The following LRRC37A2 variants were observed in gnomAD, a reference collection of about 807,000 sequenced individuals.
LRRC37A2 encodes leucine-rich repeat-containing protein 37A2.
LRRC37A2 carries 9 observed loss-of-function variants against 68.8 expected under a neutral mutation model. The observed-to-expected ratio is 0.13, with a 90% CI of 0.08 to 0.23. LRRC37A2 has a LOEUF of 0.23. LRRC37A2 is among the 10% of genes least tolerant of loss of function. The pLI is 1.00. For synonymous variants in LRRC37A2, 63 were observed against 367.6 expected (o/e 0.17, Z 9.48); for missense variants, 168 against 950.4 (o/e 0.18, Z 10.82).
At chr17:47,026,950 G>A in the LRRC37A2 span, among the ~76,000 whole-genome samples, 5 of 151,942 alleles carry the variant, frequency 3.3e-5, no homozygotes, top group South Asian at 2.1e-4. Flanking sequence ...TCGCTCTGTC[G>A]CCCAGGCTGG....
chr17:46,854,717 G>T, the LRRC37A2 span, among the ~76,000 whole-genome samples: 8 of 152,146 alleles, frequency 5.3e-5, no homozygotes, highest in African/African-American at 1.9e-4. Flanking sequence ...GCTGGGTGCA[G>T]TGTCATGATC....
chr17:46,811,921 C>T, the LRRC37A2 span, among the ~76,000 whole-genome samples: 1 of 152,274 alleles, frequency 6.6e-6, no homozygotes, highest in East Asian at 1.9e-4. Context: ...TGTGCCACTG[C>T]ACTCCAGCCT....
At chr17:46,880,460 T>C in the LRRC37A2 span, among the ~76,000 whole-genome samples, 7 of 152,210 alleles carry the variant, frequency 4.6e-5, no homozygotes, top group African/African-American at 1.7e-4. Context: ...CCTGGGTGCT[T>C]GGTGCAGCAA....
the LRRC37A2 span, among the ~76,000 whole-genome samples, chr17:46,790,359 G>T: frequency 6.6e-6 from 1 of 152,090 alleles, no homozygotes; most frequent in South Asian, 2.1e-4. Flanking sequence ...ATAGTAAGTG[G>T]CCCTGCTGAG....
the LRRC37A2 span, among the ~76,000 whole-genome samples, chr17:46,910,420 C>T: frequency 1.3e-5 from 2 of 152,160 alleles, no homozygotes; most frequent in Non-Finnish European, 2.9e-5. Flanking sequence ...TGTGCCAGAT[C>T]CTCCGAGTGC....
the LRRC37A2 span, among the ~76,000 whole-genome samples, chr17:46,489,304 A>G: frequency 1.1e-5 from 1 of 87,640 alleles, no homozygotes; most frequent in African/African-American, 4.4e-5. Flanking sequence ...TGCTTGGCCG[A>G]TTTTTGTATT....
chr17:46,552,803 A>T (rs2056915518), intron 11 of LRRC37A2: 1 of 132,656 alleles, frequency 7.5e-6, no homozygotes, highest in African/African-American at 3.2e-5. Flanking sequence ...CTTAAATTAC[A>T]TGGGGCCAGG....
At chr17:46,816,939 C>T in the LRRC37A2 span, among the ~76,000 whole-genome samples, 2 of 152,248 alleles carry the variant, frequency 1.3e-5, no homozygotes, top group Non-Finnish European at 2.9e-5. Flanking sequence ...CTGGCCGAAC[C>T]TCCTTCCTGA....
At chr17:47,034,658 C>T in the LRRC37A2 span, among the ~76,000 whole-genome samples, 13 of 151,254 alleles carry the variant, frequency 8.6e-5, no homozygotes, top group Admixed American at 2.0e-4. Context: ...GGCTCAAGCT[C>T]TCCTTCTGCT....
chr17:46,994,598 A>C, the LRRC37A2 span, among the ~76,000 whole-genome samples: 11 of 152,108 alleles, frequency 7.2e-5, no homozygotes, highest in Non-Finnish European at 1.5e-4. Context: ...ATGCTAGTCT[A>C]CAGTAAAATT....
At chr17:46,897,163 T>C in the LRRC37A2 span, among the ~76,000 whole-genome samples, 1 of 152,198 alleles carries the variant, frequency 6.6e-6, no homozygotes, top group Non-Finnish European at 1.5e-5. Flanking sequence ...GACTCTGGCT[T>C]GGCTCCTCTT....
the LRRC37A2 span, among the ~76,000 whole-genome samples, chr17:46,754,095 T>C: frequency 6.6e-6 from 1 of 151,830 alleles, no homozygotes; most frequent in Non-Finnish European, 1.5e-5. Flanking sequence ...ATATTAAATA[T>C]ATTTAATGGG....
At chr17:46,716,489 C>T in the LRRC37A2 span, among the ~76,000 whole-genome samples, 3 of 152,096 alleles carry the variant, frequency 2.0e-5, no homozygotes, top group African/African-American at 7.2e-5. Flanking sequence ...GATCTCCTGA[C>T]CTCATGATCC....
the LRRC37A2 span, chr17:46,939,678 C>G: frequency 1.0e-6 from 1 of 985,398 alleles, no homozygotes; most frequent in Non-Finnish European, 1.2e-6. Flanking sequence ...GCCAGCCAGG[C>G]CCTCATTTTG....
the LRRC37A2 span, among the ~76,000 whole-genome samples, chr17:46,884,442 C>G: frequency 6.6e-6 from 1 of 152,126 alleles, no homozygotes; most frequent in African/African-American, 2.4e-5. Flanking sequence ...AGGAGATCCT[C>G]AAGCTCTGCT....
chr17:46,812,014 G>T, the LRRC37A2 span, among the ~76,000 whole-genome samples: 5 of 152,230 alleles, frequency 3.3e-5, no homozygotes, highest in African/African-American at 7.2e-5. Context: ...TAGCTATTCC[G>T]CTGCCCAGAA....
the LRRC37A2 span, among the ~76,000 whole-genome samples, chr17:46,795,896 G>A: frequency 2.6e-5 from 4 of 151,974 alleles, no homozygotes; most frequent in East Asian, 7.7e-4. Flanking sequence ...ACACACACAT[G>A]CATGCACGCA....
At chr17:46,796,434 G>A in the LRRC37A2 span, among the ~76,000 whole-genome samples, 49 of 152,304 alleles carry the variant, frequency 3.2e-4, no homozygotes, top group Middle Eastern at 3.4e-3. Context: ...GGAAACTGAG[G>A]CAGAGATTGG....
At chr17:46,548,068 A>G in intron 9 of LRRC37A2, 2 of 89,596 alleles carry the variant, frequency 2.2e-5, no homozygotes, top group South Asian at 7.4e-5. Context: ...ATAATCCTAA[A>G]CAGAGTTACT....
Sources: allele counts gnomAD v4.1 joint callset (sites outside exome capture counted in the v4.1 genomes callset), GRCh38; gene constraint gnomAD v4.1.1; transcripts MANE v1.5; gene names NCBI Gene and HGNC (gene_info 2026-07-23, HGNC 2026-07-21).